Variants in XNDC1N observed in about 807,000 individuals in gnomAD.
XNDC1N encodes XRCC1 N-terminal domain containing 1, N-terminal like.
At chr11:71,912,564 T>C in the XNDC1N span, among the ~76,000 whole-genome samples, 1 of 152,170 alleles carries the variant, frequency 6.6e-6, no homozygotes, top group Non-Finnish European at 1.5e-5. Flanking sequence ...AACATCATCC[T>C]CTATTTTCCT....
the XNDC1N span, among the ~76,000 whole-genome samples, chr11:71,866,181 A>ATGTGT: frequency 6.6e-6 from 1 of 151,958 alleles, no homozygotes; most frequent in African/African-American, 2.4e-5. Flanking sequence ...TTGTTGTTAT[A>ATGTGT]AATACCTGAC....
the XNDC1N span, among the ~76,000 whole-genome samples, chr11:71,867,048 C>T: frequency 2.6e-5 from 4 of 151,862 alleles, no homozygotes; most frequent in Non-Finnish European, 4.4e-5. Context: ...ACTCATATAA[C>T]CTTGAAAGGT....
the XNDC1N span, among the ~76,000 whole-genome samples, chr11:71,871,262 G>A: frequency 6.6e-6 from 1 of 152,156 alleles, no homozygotes; most frequent in Admixed American, 6.5e-5. Flanking sequence ...TAGGCTAAGT[G>A]AAATAAGCCT....
the XNDC1N span, chr11:71,893,826 C>A: frequency 9.0e-6 from 9 of 1,005,090 alleles, no homozygotes; most frequent in Non-Finnish European, 1.3e-5. Flanking sequence ...CTGTGATGAC[C>A]TATGACTGCT....
the XNDC1N span, chr11:71,878,459 G>T: frequency 1.2e-6 from 2 of 1,611,694 alleles, no homozygotes; most frequent in South Asian, 2.2e-5. Flanking sequence ...AACCATGAGG[G>T]TCTTGTTTTT....
the XNDC1N span, among the ~76,000 whole-genome samples, chr11:71,895,829 A>G: frequency 1.3e-5 from 2 of 152,244 alleles, no homozygotes; most frequent in African/African-American, 4.8e-5. Flanking sequence ...AAACTGTGGT[A>G]TACACACCCA....
At chr11:71,892,772 C>T in the XNDC1N span, among the ~76,000 whole-genome samples, 4,269 of 152,170 alleles carry the variant, frequency 0.028, 68 homozygotes, top group East Asian at 0.08. Context: ...CCATCAGCCT[C>T]GGCCGCCCAA....
chr11:71,903,553 G>A, the XNDC1N span: 18 of 684,942 alleles, frequency 2.6e-5, no homozygotes, highest in African/African-American at 7.1e-5. Context: ...GATGGCCTAC[G>A]ACCAGTTTGT....
At chr11:71,866,895 A>G in the XNDC1N span, among the ~76,000 whole-genome samples, 2 of 152,246 alleles carry the variant, frequency 1.3e-5, no homozygotes, top group Admixed American at 1.3e-4. Context: ...TGATCGAGAC[A>G]ATAGAGTTTC....
At chr11:71,903,275 G>C in the XNDC1N span, 1 of 1,294,614 alleles carries the variant, frequency 7.7e-7, no homozygotes, top group South Asian at 1.2e-5. Flanking sequence ...GGTCGTCGCT[G>C]GGCTGTTCCT....
At chr11:71,904,229 C>T in the XNDC1N span, 24 of 383,204 alleles carry the variant, frequency 6.3e-5, no homozygotes, top group Middle Eastern at 9.4e-4. Flanking sequence ...TGTGTCATTA[C>T]GAGTAATACC....
chr11:71,893,902 G>T, the XNDC1N span: 1 of 989,422 alleles, frequency 1.0e-6, no homozygotes, highest in Non-Finnish European at 1.4e-6. Context: ...TGTCTTCTTC[G>T]TTTTGGTGTC....
At chr11:71,908,300 G>C in the XNDC1N span, among the ~76,000 whole-genome samples, 2 of 149,792 alleles carry the variant, frequency 1.3e-5, no homozygotes, top group East Asian at 1.9e-4. Flanking sequence ...ATCAATATCA[G>C]TTATTAATAT....
chr11:71,909,492 C>A, the XNDC1N span, among the ~76,000 whole-genome samples: 1 of 152,264 alleles, frequency 6.6e-6, no homozygotes, highest in East Asian at 1.9e-4. Flanking sequence ...AGGCCCTGGA[C>A]AAGGAGGAAG....
the XNDC1N span, among the ~76,000 whole-genome samples, chr11:71,924,645 CT>C: frequency 6.6e-6 from 1 of 151,940 alleles, no homozygotes; most frequent in African/African-American, 2.4e-5. Context: ...GCCACTGCCA[CT>C]GCACTCTAGC....
the XNDC1N span, among the ~76,000 whole-genome samples, chr11:71,886,832 T>C: frequency 6.6e-6 from 1 of 151,994 alleles, no homozygotes; most frequent in African/African-American, 2.4e-5. Context: ...CCCGGCGATA[T>C]GCCGACCTGT....
At chr11:71,904,038 C>T in the XNDC1N span, 2 of 523,326 alleles carry the variant, frequency 3.8e-6, no homozygotes, top group South Asian at 2.8e-5. Context: ...CGGTGGTCAC[C>T]CCCATGCTGA....
chr11:71,914,286 G>A, the XNDC1N span: 4 of 456,082 alleles, frequency 8.8e-6, no homozygotes, highest in African/African-American at 2.0e-5. Flanking sequence ...ATGGGAGGAG[G>A]TCACAGCATC....
chr11:71,888,732 C>T, the XNDC1N span, among the ~76,000 whole-genome samples: 11,043 of 152,222 alleles, frequency 0.073, 641 homozygotes, highest in African/African-American at 0.16. Context: ...AACATTAAGG[C>T]CTCCCGTGCT....
Sources: gnomAD v4.1 joint callset for allele counts (sites outside exome capture counted in the v4.1 genomes callset) on GRCh38, gnomAD v4.1.1 for gene constraint, MANE v1.5 for transcripts, NCBI Gene and HGNC (gene_info 2026-07-23, HGNC 2026-07-21) for gene names.